Variants in RBM47 observed in about 807,000 individuals in gnomAD.
RBM47 encodes the protein RNA binding motif protein 47, also known as RNA-binding protein 47.
In RBM47, 21 loss-of-function variants were observed where a neutral mutation model predicts 47.1. The observed-to-expected ratio is 0.45, with a 90% CI of 0.32 to 0.64. The LOEUF (loss-of-function observed/expected upper bound fraction) is 0.64, where lower values mean the gene tolerates loss of function less well. Among genes scored for constraint, RBM47 ranks in the 30% least tolerant of loss-of-function variants. The pLI is 0.05. For missense variants in RBM47, 708 were observed against 870.9 expected (o/e 0.81, Z 2.35); for synonymous variants, 375 against 361.7 (o/e 1.04, Z -0.42).
chr4:40,435,329 A>T (rs973867232), intron 5 of RBM47, among the ~76,000 whole-genome samples: 4 of 152,112 alleles, frequency 2.6e-5, no homozygotes, highest in African/African-American at 9.7e-5. Flanking sequence ...CGGGTGGCTC[A>T]CTTGAGGTCA....
intron 2 of RBM47, among the ~76,000 whole-genome samples, chr4:40,501,869 G>A (rs1377085913): frequency 6.6e-6 from 1 of 152,164 alleles, no homozygotes; most frequent in East Asian, 1.9e-4. Flanking sequence ...TCAGATAAGA[G>A]TGAAATAAAG....
intron 1 of RBM47, among the ~76,000 whole-genome samples, chr4:40,563,099 G>A (rs560405472): frequency 1.3e-5 from 2 of 152,336 alleles, no homozygotes; most frequent in South Asian, 4.1e-4. Context: ...GCTGAGGCAG[G>A]AGAATCACTT....
intron 2 of RBM47, among the ~76,000 whole-genome samples, chr4:40,500,268 G>A (rs965915150): frequency 1.2e-4 from 18 of 151,644 alleles, no homozygotes; most frequent in African/African-American, 4.4e-4. Context: ...AGCCGAGATC[G>A]TGCCACTGCA....
chr4:40,630,239 G>A (rs1321204367), upstream of RBM47: 1 of 152,312 alleles, frequency 6.6e-6, no homozygotes, highest in African/African-American at 2.4e-5. Context: ...TCCACCTGGG[G>A]GCATCTGTCC....
intron 1 of RBM47, among the ~76,000 whole-genome samples, chr4:40,622,721 A>G (rs984682455): frequency 1.3e-5 from 2 of 152,188 alleles, no homozygotes; most frequent in Non-Finnish European, 2.9e-5. Flanking sequence ...ATCTCTACTA[A>G]AAACACAAAA....
intron 2 of RBM47, among the ~76,000 whole-genome samples, chr4:40,495,473 G>A (rs1419192759): frequency 6.6e-6 from 1 of 152,040 alleles, no homozygotes; most frequent in African/African-American, 2.4e-5. Context: ...GTGGTGGCAG[G>A]TGTCTGTGGT....
intron 1 of RBM47, among the ~76,000 whole-genome samples, chr4:40,598,869 G>A (rs1016661953): frequency 6.7e-6 from 1 of 148,446 alleles, no homozygotes. Context: ...AAAAAAAAGA[G>A]TTGGGGAGGA....
chr4:40,574,705 C>T (rs531357613), intron 1 of RBM47, among the ~76,000 whole-genome samples: 1 of 152,086 alleles, frequency 6.6e-6, no homozygotes, highest in East Asian at 1.9e-4. Context: ...CAGAAATTAG[C>T]CAGGTGTGGT....
chr4:40,492,630 A>G (rs1011743598), intron 2 of RBM47, among the ~76,000 whole-genome samples: 22 of 152,336 alleles, frequency 1.4e-4, no homozygotes, highest in African/African-American at 5.3e-4. Context: ...ATGCAGAATT[A>G]TCTTACAGAG....
At chr4:40,494,702 C>T (rs1354166046) in intron 2 of RBM47, among the ~76,000 whole-genome samples, 1 of 152,082 alleles carries the variant, frequency 6.6e-6, no homozygotes, top group African/African-American at 2.4e-5. Flanking sequence ...CCCTCCAAGC[C>T]CCAGAAGCCA....
chr4:40,520,707 T>C (rs576475748), intron 2 of RBM47, among the ~76,000 whole-genome samples: 2 of 152,172 alleles, frequency 1.3e-5, no homozygotes, highest in Non-Finnish European at 2.9e-5. Context: ...AAGAGTACCA[T>C]GAATGTGACC....
chr4:40,575,939 G>C (rs1166584441), intron 1 of RBM47, among the ~76,000 whole-genome samples: 8 of 152,226 alleles, frequency 5.3e-5, no homozygotes, highest in Non-Finnish European at 7.3e-5. Flanking sequence ...CTCTGATCCA[G>C]AGGAAGCCCA....
intron 2 of RBM47, among the ~76,000 whole-genome samples, chr4:40,504,342 G>C (rs1378592756): frequency 1.4e-5 from 2 of 146,702 alleles, no homozygotes; most frequent in Non-Finnish European, 3.0e-5. Context: ...CCAGTCTAGA[G>C]TGCAGTAGTG....
intron 3 of RBM47, 133 bp from the exon 4 acceptor site, chr4:40,439,057 G>A (rs1713222769): frequency 2.6e-6 from 2 of 760,222 alleles, no homozygotes; most frequent in Non-Finnish European, 4.1e-6. Flanking sequence ...AAATAGGATG[G>A]AGGCGTTCTG....
chr4:40,610,689 C>G (rs1736188834), intron 1 of RBM47, among the ~76,000 whole-genome samples: 2 of 151,186 alleles, frequency 1.3e-5, no homozygotes, highest in African/African-American at 4.9e-5. Context: ...TGTTCCCATT[C>G]AAATCTCAAC....
intron 1 of RBM47, among the ~76,000 whole-genome samples, chr4:40,563,040 C>T (rs1730781871): frequency 6.6e-6 from 1 of 152,058 alleles, no homozygotes; most frequent in Admixed American, 6.6e-5. Context: ...ATTTGTTAGC[C>T]CTTGCTAAAA....
intron 2 of RBM47, among the ~76,000 whole-genome samples, chr4:40,519,774 A>G (rs1017978993): frequency 2.0e-5 from 3 of 150,262 alleles, no homozygotes; most frequent in Non-Finnish European, 4.4e-5. Flanking sequence ...GGTTCAAGCA[A>G]TTCTCCTGCC....
intron 2 of RBM47, among the ~76,000 whole-genome samples, chr4:40,520,143 G>C (rs182713122): frequency 6.6e-6 from 1 of 151,872 alleles, no homozygotes; most frequent in Non-Finnish European, 1.5e-5. Context: ...TCACAAATTT[G>C]TCATTTGACT....
chr4:40,536,026 T>A (rs552413691), intron 2 of RBM47, among the ~76,000 whole-genome samples: 3 of 152,240 alleles, frequency 2.0e-5, no homozygotes, highest in Non-Finnish European at 4.4e-5. Context: ...CAATGCCCAC[T>A]TCATTCTTTG....
Sources: gnomAD v4.1 joint callset for allele counts (sites outside exome capture counted in the v4.1 genomes callset) on GRCh38, gnomAD v4.1.1 for gene constraint, MANE v1.5 for transcripts, NCBI Gene and HGNC (gene_info 2026-07-23, HGNC 2026-07-21) for gene names.